The following NUDC variants were observed in gnomAD, a reference collection of about 807,000 sequenced individuals.
The protein encoded by NUDC is nuclear distribution C, dynein complex regulator, also known as nuclear migration protein nudC.
NUDC carries 14 observed loss-of-function variants against 45.0 expected under a neutral mutation model. That is an observed-to-expected ratio of 0.31 (90% CI 0.21 to 0.49). NUDC has a LOEUF of 0.49. Ranked by LOEUF, NUDC falls within the 20% of genes least tolerant of loss-of-function variation. The pLI, the probability that NUDC is intolerant of heterozygous loss-of-function variation, is 0.99. For synonymous variants in NUDC, 153 were observed against 156.7 expected (o/e 0.98, Z 0.17); for missense variants, 323 against 426.2 (o/e 0.76, Z 2.13).
At chr1:26,938,002 A>G (rs2082248345) in intron 2 of NUDC, among the ~76,000 whole-genome samples, 2 of 152,168 alleles carry the variant, frequency 1.3e-5, no homozygotes, top group South Asian at 4.1e-4. Flanking sequence ...CCTTCTGAAA[A>G]GTATTTGAGA....
At chr1:26,943,190 TCTTTA>T in intron 6 of NUDC, 125 bp downstream of exon 6, 2 of 992,250 alleles carry the variant, frequency 2.0e-6, no homozygotes, top group Non-Finnish European at 3.2e-6. Flanking sequence ...ATGACAACAC[TCTTTA>T]AAGTAGATCT....
At chr1:26,941,129 G>A (rs1385903895) in intron 2 of NUDC, among the ~76,000 whole-genome samples, 1 of 138,688 alleles carries the variant, frequency 7.2e-6, no homozygotes, top group African/African-American at 2.8e-5. Context: ...GGTAGAGACA[G>A]GGTTTCACCA....
At chr1:26,934,314 T>TGTGAGAACTCACTCGTATC (rs2082208801) in intron 2 of NUDC, among the ~76,000 whole-genome samples, 1 of 152,142 alleles carries the variant, frequency 6.6e-6, no homozygotes, top group Non-Finnish European at 1.5e-5. Flanking sequence ...CATCAGATCT[T>TGTGAGAACTCACTCGTATC]GTGAGAACTC....
chr1:26,937,006 G>A (rs756955340), intron 2 of NUDC, among the ~76,000 whole-genome samples: 3 of 152,190 alleles, frequency 2.0e-5, no homozygotes, highest in Non-Finnish European at 4.4e-5. Context: ...GTGTACTTCT[G>A]ACCAACCAGC....
chr1:26,908,689 C>G (rs912984061), intron 2 of NUDC, among the ~76,000 whole-genome samples: 1 of 152,016 alleles, frequency 6.6e-6, no homozygotes, highest in Admixed American at 6.6e-5. Context: ...TCTCGAGTGG[C>G]TGGGACTACA....
At chr1:26,928,838 A>G (rs978360449) in intron 2 of NUDC, among the ~76,000 whole-genome samples, 1 of 152,260 alleles carries the variant, frequency 6.6e-6, no homozygotes, top group Non-Finnish European at 1.5e-5. Flanking sequence ...CAAATGGTGC[A>G]TCTGCTATGG....
intron 3 of NUDC, chr1:26,911,886 CA>C (rs1465267368): frequency 6.2e-7 from 1 of 1,614,008 alleles, no homozygotes; most frequent in African/African-American, 1.3e-5. Context: ...CCAGCGATGT[CA>C]ACATCTCCAA....
chr1:26,902,231 C>T (rs1203102748), intron 1 of NUDC: 1 of 152,206 alleles, frequency 6.6e-6, no homozygotes, highest in Non-Finnish European at 1.5e-5. Flanking sequence ...CTTCTTGTCC[C>T]CACTGATCAG....
rs920856219 is a variant in NUDC at position 26,945,186 on chromosome 1, T to C, written c.742-204T>C. ...CCTTTCTGCTTTCTTCTTTCCCTTA[T>C]CACACTGATTTGTAACTCTTTGCCT... On this transcript the variant is annotated intron_variant, in intron 6 of 8. Coordinates refer to ENST00000321265, the MANE Select transcript of NUDC (RefSeq NM_006600.4). 3 of 620,796 alleles carry C rather than the reference T, an allele frequency of 4.8e-6. No individual in the cohort carries two copies. The Admixed American group carries it at 7.7e-5, about 16-fold the overall frequency. The allele number at this position is 620,796 out of a possible 1,614,324, so 38.5% of individuals were successfully genotyped here.
chr1:26,930,832 A>G (rs922958594), intron 2 of NUDC, among the ~76,000 whole-genome samples: 3 of 151,700 alleles, frequency 2.0e-5, no homozygotes, highest in Non-Finnish European at 2.9e-5. Flanking sequence ...GCCTGGCCAA[A>G]TGGTGAAACC....
At chr1:26,919,002 T>G (rs2082075980), upstream of NUDC, among the ~76,000 whole-genome samples, 1 of 152,092 alleles carries the variant, frequency 6.6e-6, no homozygotes, top group Non-Finnish European at 1.5e-5. Flanking sequence ...GCTCTTGAAC[T>G]CTGGGCCTCA....
intron 2 of NUDC, among the ~76,000 whole-genome samples, chr1:26,935,824 A>T (rs1183122528): frequency 1.3e-5 from 2 of 151,846 alleles, no homozygotes; most frequent in Admixed American, 1.3e-4. Flanking sequence ...ACCTCAAACA[A>T]AGACAAAAAC....
At chr1:26,942,263 C>A (rs2082283853) in intron 4 of NUDC, among the ~76,000 whole-genome samples, 1 of 152,206 alleles carries the variant, frequency 6.6e-6, no homozygotes, top group Non-Finnish European at 1.5e-5. Context: ...TGCACTCCAG[C>A]CTGGGCGACA....
chr1:26,914,708 T>C (rs1304575201), intron 3 of NUDC, among the ~76,000 whole-genome samples: 1 of 152,152 alleles, frequency 6.6e-6, no homozygotes, highest in African/African-American at 2.4e-5. Flanking sequence ...GGCTCATGCC[T>C]GTAATCCCAG....
chr1:26,946,019 G>A, intron 8 of NUDC, 111 bp from the exon 9 acceptor site: 1 of 1,067,098 alleles, frequency 9.4e-7, no homozygotes, highest in Non-Finnish European at 1.5e-6. Context: ...GCCCAGCCTG[G>A]CTTGGTGTTG....
At chr1:26,936,876 A>G (rs1389482595) in intron 2 of NUDC, among the ~76,000 whole-genome samples, 2 of 152,114 alleles carry the variant, frequency 1.3e-5, no homozygotes, top group African/African-American at 2.4e-5. Context: ...TGGGTATCCT[A>G]CAATTCAATT....
chr1:26,941,401 G>A, intron 2 of NUDC, 56 bp from the exon 3 acceptor site: 1 of 1,581,590 alleles, frequency 6.3e-7, no homozygotes, highest in Non-Finnish European at 8.6e-7. Context: ...CTGGACTCCA[G>A]GCTGTGGGAC....
intron 2 of NUDC, among the ~76,000 whole-genome samples, chr1:26,902,742 T>C (rs1247098121): frequency 2.0e-5 from 3 of 149,118 alleles, no homozygotes; most frequent in African/African-American, 7.4e-5. Flanking sequence ...TGAGAATCTG[T>C]CTCAAAAAAA....
chr1:26,925,040 C>G (rs976106846), intron 2 of NUDC, among the ~76,000 whole-genome samples: 2 of 150,788 alleles, frequency 1.3e-5, no homozygotes, highest in African/African-American at 4.9e-5. Flanking sequence ...GCCACCATGC[C>G]TGGCTAATTT....
Sources: allele counts gnomAD v4.1 joint callset (sites outside exome capture counted in the v4.1 genomes callset), GRCh38; gene constraint gnomAD v4.1.1; transcripts MANE v1.5; gene names NCBI Gene and HGNC (gene_info 2026-07-23, HGNC 2026-07-21).